Variants in KIF1A observed in about 807,000 individuals in gnomAD.
KIF1A encodes the protein kinesin family member 1A, also known as kinesin-like protein KIF1A.
In KIF1A, 46 loss-of-function variants were observed where a neutral mutation model predicts 227.3. The ratio of observed to expected loss-of-function variants is 0.20; its 90% CI spans 0.16 to 0.26. KIF1A has a LOEUF of 0.26. Ranked by LOEUF, KIF1A falls within the 10% of genes least tolerant of loss-of-function variation. The pLI is 1.00. For synonymous variants in KIF1A, 1,022 were observed against 1,012.8 expected (o/e 1.01, Z -0.17); for missense variants, 1,683 against 2,485.9 (o/e 0.68, Z 6.87).
In KIF1A at chr2:240,767,418, C is replaced by T. The variant is rs370009237; in HGVS notation, c.1498-73G>A. 5.5e-6 allele frequency: 7 copies of T among 1,273,998 alleles called. No homozygotes were observed. The African/African-American group carries it at 1.0e-4, about 19-fold the overall frequency. 78.9% of individuals were successfully genotyped at this position (1,273,998 alleles called of 1,614,324 possible). A position where few individuals can be genotyped will look rare whatever the true frequency, so the allele number is the denominator to read the frequency against. On this transcript the variant is annotated intron_variant, in intron 17 of 48. Coordinates refer to ENST00000498729, the MANE Select transcript of KIF1A (RefSeq NM_001244008.2). ...TGATGCTGGCCACACCCCCCTCCAACCTCTCTCCAGGCACCAGACTACCAC... is the reference window on the plus strand; with the variant it reads ...TGATGCTGGCCACACCCCCCTCCAATCTCTCTCCAGGCACCAGACTACCAC...
At chr2:240,721,344 G>A (rs1490655659) in intron 44 of KIF1A, among the ~76,000 whole-genome samples, 5 of 152,256 alleles carry the variant, frequency 3.3e-5, no homozygotes, top group Non-Finnish European at 1.5e-5. Context: ...CCAGCGTGAG[G>A]TGGCGCTGGG....
intron 1 of KIF1A, among the ~76,000 whole-genome samples, chr2:240,816,632 C>T (rs1379544114): frequency 6.6e-6 from 1 of 152,144 alleles, no homozygotes; most frequent in African/African-American, 2.4e-5. Context: ...CTGCCCAGAC[C>T]ACAAGGCCTG....
chr2:240,812,860 C>CA (rs2057998811), intron 1 of KIF1A, among the ~76,000 whole-genome samples: 1 of 145,446 alleles, frequency 6.9e-6, no homozygotes, highest in Admixed American at 7.0e-5. Flanking sequence ...GCCTTCACCT[C>CA]GGGGATCAGC....
chr2:240,731,696 C>A (rs1286627931), intron 38 of KIF1A, among the ~76,000 whole-genome samples: 1 of 152,194 alleles, frequency 6.6e-6, no homozygotes, highest in Non-Finnish European at 1.5e-5. Flanking sequence ...CCAGCTCAGG[C>A]AAGCTCACTG....
At chr2:240,765,326 C>T (rs2051035980) in intron 20 of KIF1A, among the ~76,000 whole-genome samples, 1 of 152,268 alleles carries the variant, frequency 6.6e-6, no homozygotes, top group East Asian at 1.9e-4. Flanking sequence ...CTGAGCTCCA[C>T]AACACCTCAG....
intron 6 of KIF1A, among the ~76,000 whole-genome samples, chr2:240,785,362 C>T (rs532082235): frequency 6.6e-6 from 1 of 152,360 alleles, no homozygotes; most frequent in African/African-American, 2.4e-5. Context: ...CTTCCCACTC[C>T]TGGGCACAGA....
At position 240,736,479 on chromosome 2, in the gene KIF1A, C is replaced by T. The variant is rs541426430; in HGVS notation, c.4007+584G>A. Among the ~76,000 whole-genome samples the T allele has an allele frequency of 6.6e-6, 1 of 152,332 alleles. No individual in the cohort carries two copies. Among genetic ancestry groups the T allele is most frequent in the South Asian group, 2.1e-4 (1 of 4,834 alleles). ...CAGGGGCTGCCTCCCTCTCCCATCC[C>T]CTAACCCCAGCAGACCCCGATAGGG... On this transcript the variant is annotated intron_variant, in intron 38 of 48. Transcript: ENST00000498729. The surrounding 1 kb of genome is among the most constrained non-coding windows in gnomAD (Gnocchi z 4.7).
At chr2:240,780,886 ACACACACACACACAGCTC>A (rs1453077044) in intron 10 of KIF1A, among the ~76,000 whole-genome samples, 1 of 88,572 alleles carries the variant, frequency 1.1e-5, no homozygotes, top group Non-Finnish European at 2.0e-5. Flanking sequence ...ACACAGCTCC[ACACACACACACACAGCTC>A]CACACACACA....
chr2:240,734,872 G>T, intron 38 of KIF1A: 2 of 667,878 alleles, frequency 3.0e-6, no homozygotes, highest in Non-Finnish European at 2.4e-6. Flanking sequence ...GCTGCAAAGC[G>T]TGGGGCCTGG....
At position 240,750,471 on chromosome 2, in the gene KIF1A, C is replaced by T. The variant is rs764324827; in HGVS notation, c.2935G>A (p.Glu979Lys). Residue 979 changes from glutamate (E) to lysine (K), a missense_variant, in exon 28 of 49, where the codon GAG becomes AAG. By Grantham distance (56) the Glu-to-Lys change is moderately conservative. Coordinates refer to ENST00000498729, the MANE Select transcript of KIF1A (RefSeq NM_001244008.2). ...HRVAIVSEKG[E>K]VKGFLRVAVQ... ...GCCACGCGGAGGAAGCCCTTCACCT[C>T]GCCCTTCTCGCTGACGATTGCCACA... 3 of 1,613,898 alleles carry T rather than the reference C, an allele frequency of 1.9e-6. No individual in the cohort carries two copies. Among genetic ancestry groups the T allele is most frequent in the East Asian group, 2.2e-5 (1 of 44,880 alleles).
chr2:240,807,146 A>C (rs2057502826), intron 1 of KIF1A, among the ~76,000 whole-genome samples: 1 of 150,782 alleles, frequency 6.6e-6, no homozygotes, highest in African/African-American at 2.4e-5. Context: ...ATATATATAT[A>C]TATATACACA....
Position 240,740,224 on chromosome 2 carries a change from G to A in KIF1A, c.3816+74C>T. The A allele has an allele frequency of 1.9e-6, 3 of 1,571,558 alleles. No homozygotes were observed. Among genetic ancestry groups the A allele is most frequent in the African/African-American group, 1.3e-5 (1 of 74,176 alleles). ...AGGGAGGGGGACACAGGCAGGGTAG[G>A]GGCAGGGAGAGGCTCACACCTGGTG... On this transcript the variant is annotated intron_variant, in intron 36 of 48. Transcript: ENST00000498729. This position sits in a 1 kb window ranked among gnomAD's most constrained non-coding sequence, Gnocchi z 6.1.
At chr2:240,800,498 C>T (rs758604939) in intron 1 of KIF1A, among the ~76,000 whole-genome samples, 9 of 152,250 alleles carry the variant, frequency 5.9e-5, no homozygotes, top group South Asian at 2.1e-4. Context: ...GCACAGCCTC[C>T]GGGGTGTATT....
chr2:240,724,165 GTCCCT>G, intron 40 of KIF1A, 129 bp from the exon 41 acceptor site: 1 of 793,364 alleles, frequency 1.3e-6, no homozygotes. Context: ...GGGTGTTGAG[GTCCCT>G]GAGCTACAGC....
chr2:240,728,276 C>T, intron 38 of KIF1A: 1 of 569,394 alleles, frequency 1.8e-6, no homozygotes, highest in Admixed American at 2.4e-5. Flanking sequence ...AGAGTGAGGA[C>T]AGCGGGTGGT....
At chr2:240,718,528 C>T (rs528971148) in intron 47 of KIF1A, among the ~76,000 whole-genome samples, 9 of 152,358 alleles carry the variant, frequency 5.9e-5, no homozygotes, top group African/African-American at 2.4e-5. Flanking sequence ...ACACTGGGGC[C>T]GCCTCCAGAT....
intron 1 of KIF1A, among the ~76,000 whole-genome samples, chr2:240,811,097 C>T (rs1317232198): frequency 2.0e-5 from 3 of 152,210 alleles, no homozygotes; most frequent in Non-Finnish European, 2.9e-5. Context: ...TGCAGTGGCT[C>T]GTGCCTGTAA....
At chr2:240,768,606 G>A (rs1239071938) in intron 17 of KIF1A, among the ~76,000 whole-genome samples, 1 of 152,162 alleles carries the variant, frequency 6.6e-6, no homozygotes, top group African/African-American at 2.4e-5. Flanking sequence ...GCTGGATGGG[G>A]GCACAGGAGT....
chr2:240,751,032 T>C (rs2049144542), intron 27 of KIF1A, among the ~76,000 whole-genome samples: 2 of 151,512 alleles, frequency 1.3e-5, no homozygotes, highest in African/African-American at 2.4e-5. Context: ...AGGTGGGAGC[T>C]CCGAGGTGAG....
Sources: allele counts gnomAD v4.1 joint callset (sites outside exome capture counted in the v4.1 genomes callset), GRCh38; gene constraint gnomAD v4.1.1; non-coding constraint Gnocchi (gnomAD v3.1); transcripts MANE v1.5; gene names NCBI Gene and HGNC (gene_info 2026-07-23, HGNC 2026-07-21).